Variants in ECM2 observed in about 807,000 individuals in gnomAD.
ECM2 encodes extracellular matrix protein 2, female organ and adipocyte specific.
Under a neutral mutation model 67.5 loss-of-function variants are expected in ECM2, and 57 were observed. That is an observed-to-expected ratio of 0.84 (90% CI 0.68 to 1.05). The LOEUF is 1.05. Ranked by LOEUF, ECM2 falls within the 50% of genes least tolerant of loss-of-function variation. ECM2 has a pLI of 0.00. For synonymous variants in ECM2, 258 were observed against 294.5 expected, an observed-to-expected ratio of 0.88 and a Z score of 1.27; for missense variants, 741 against 822.8, an observed-to-expected ratio of 0.90 and a Z score of 1.22.
chr9:92,535,960 C>CT lies in ECM2; in HGVS notation c.-56dup, dbSNP rs1437929602. On this transcript the variant is annotated 5_prime_UTR_variant, in exon 1 of 10. It removes the in-frame stop codon of an upstream open reading frame in the 5' UTR. Transcript: ENST00000344604. The stretch of plus-strand genomic sequence containing the variant: ...GGAGATCTAAACTAAGTAGGCTTTG[C>CT]TTGGTGTCATTTAAGTCTCCAGCTG... The CT allele has an allele frequency of 2.0e-6, 1 of 508,204 alleles. No individual in the cohort carries two copies. The highest frequency in any genetic ancestry group is 3.9e-6 in the Non-Finnish European group (1 of 257,568). The allele number at this position is 508,204 out of a possible 1,614,324, so 31.5% of individuals were successfully genotyped here.
Position 92,509,906 on chromosome 9 carries a change from A to C in ECM2, c.1299T>G (p.Ser433Arg), listed in dbSNP as rs144093801. 1,710 of 1,604,134 alleles carry C rather than the reference A, an allele frequency of 1.1e-3. 2 individuals are homozygous for C. The highest frequency in any genetic ancestry group is 1.3e-3 in the Non-Finnish European group (1,586 of 1,178,012). ...ENNLQAIDEESLSDLNQLVTL... is the reference protein window; with the variant it reads ...ENNLQAIDEERLSDLNQLVTL... ...AAAACAAATATTAAATACCTGATAA[A>C]CTTTCTTCATCGATAGCCTGAAGAT... The change falls in exon 6 of 10, where the codon AGT becomes AGG. Residue 433 changes from serine to arginine, a missense_variant. By Grantham distance (110) the Ser-to-Arg change is moderately radical. Coordinates refer to ENST00000344604, the MANE Select transcript of ECM2 (RefSeq NM_001393.4).
chr9:92,526,785 CTT>C (rs1333586735), intron 1 of ECM2, among the ~76,000 whole-genome samples: 2 of 151,834 alleles, frequency 1.3e-5, no homozygotes, highest in Admixed American at 6.6e-5. Context: ...AATAAAAAAA[CTT>C]TTTTATAAAT....
At chr9:92,517,445 T>G in intron 3 of ECM2, 2 of 604,074 alleles carry the variant, frequency 3.3e-6, no homozygotes, top group Non-Finnish European at 5.8e-6. Flanking sequence ...AAATGTGGAA[T>G]GTAATCTCAT....
upstream of ECM2, chr9:92,536,759 A>C (rs905532881): frequency 6.6e-6 from 1 of 152,224 alleles, no homozygotes; most frequent in African/African-American, 2.4e-5. Context: ...CTCTTCTGTA[A>C]AACTAGGGTG....
intron 3 of ECM2, chr9:92,516,650 A>G (rs752051095): frequency 5.9e-5 from 9 of 152,244 alleles, no homozygotes; most frequent in Non-Finnish European, 1.0e-4. Flanking sequence ...TATTTTTCCA[A>G]AATAACTACA....
intron 1 of ECM2, among the ~76,000 whole-genome samples, chr9:92,535,655 TA>T (rs141756764): frequency 0.04 from 6,053 of 152,210 alleles, 185 homozygotes; most frequent in South Asian, 0.098. Context: ...TTTTAGGACT[TA>T]AAAATTAATA....
the ECM2 span, among the ~76,000 whole-genome samples, chr9:92,557,873 GA>G: frequency 1.3e-5 from 2 of 152,106 alleles, no homozygotes; most frequent in East Asian, 1.9e-4. Flanking sequence ...TCGATCTCCT[GA>G]CCTTGTGATC....
chr9:92,546,893 G>A, the ECM2 span, among the ~76,000 whole-genome samples: 9 of 152,174 alleles, frequency 5.9e-5, no homozygotes, highest in African/African-American at 2.2e-4. Flanking sequence ...CTTCCCACAA[G>A]AGATACCACA....
At chr9:92,532,771 G>A (rs1016627153) in intron 1 of ECM2, among the ~76,000 whole-genome samples, 1 of 151,820 alleles carries the variant, frequency 6.6e-6, no homozygotes, top group African/African-American at 2.4e-5. Flanking sequence ...TTTAAAGTCT[G>A]TGTCTGAAGA....
chr9:92,511,204 C>A (rs1847316199), intron 5 of ECM2, among the ~76,000 whole-genome samples: 1 of 152,124 alleles, frequency 6.6e-6, no homozygotes, highest in African/African-American at 2.4e-5. Context: ...CGGCTCACTG[C>A]AACCTCCGCC....
chr9:92,541,500 GCAGGTGCCTGC>G (rs1849320511), upstream of ECM2, among the ~76,000 whole-genome samples: 1 of 146,914 alleles, frequency 6.8e-6, no homozygotes, highest in South Asian at 2.2e-4. Flanking sequence ...AGCTGGGATT[GCAGGTGCCTGC>G]CACTGTGCCT....
At chr9:92,537,911 G>C (rs941821523), upstream of ECM2, among the ~76,000 whole-genome samples, 1 of 152,328 alleles carries the variant, frequency 6.6e-6, no homozygotes, top group African/African-American at 2.4e-5. Flanking sequence ...CAAGCTTGAA[G>C]ACCACTGCTA....
chr9:92,538,016 C>G (rs940413987), upstream of ECM2, among the ~76,000 whole-genome samples: 2 of 151,994 alleles, frequency 1.3e-5, no homozygotes, highest in African/African-American at 2.4e-5. Context: ...GTAGGGAAAA[C>G]AGAAACTCTC....
chr9:92,536,288 C>T (rs753325010), upstream of ECM2, among the ~76,000 whole-genome samples: 16 of 152,024 alleles, frequency 1.1e-4, no homozygotes, highest in Non-Finnish European at 1.9e-4. Context: ...ATTAAGAAAT[C>T]TGTGGTTTTC....
chr9:92,533,303 CAAAAAAA>C (rs1174584000), intron 1 of ECM2, among the ~76,000 whole-genome samples: 60 of 29,850 alleles, frequency 2.0e-3, no homozygotes, highest in South Asian at 0.019. Flanking sequence ...CGGTCTCAAA[CAAAAAAA>C]AAAAAAAAAA....
At chr9:92,532,155 C>T (rs1391947593) in intron 1 of ECM2, among the ~76,000 whole-genome samples, 1 of 150,998 alleles carries the variant, frequency 6.6e-6, no homozygotes, top group Non-Finnish European at 1.5e-5. Flanking sequence ...ACTACCACAC[C>T]CGGCTCGAAG....
chr9:92,508,010 G>C (rs1274818085), intron 6 of ECM2, among the ~76,000 whole-genome samples: 1 of 152,156 alleles, frequency 6.6e-6, no homozygotes, highest in Admixed American at 6.5e-5. Context: ...TCCCTGGAGT[G>C]CCCTCCTTCC....
chr9:92,531,345 C>T (rs906729730), intron 1 of ECM2, among the ~76,000 whole-genome samples: 2 of 152,152 alleles, frequency 1.3e-5, no homozygotes, highest in Non-Finnish European at 2.9e-5. Context: ...ACCTTTACCT[C>T]TTCCTGGACA....
chr9:92,500,785 G>A lies in ECM2; in HGVS notation c.1873C>T (p.Pro625Ser), dbSNP rs547551173. 2 of 1,613,988 alleles carry A rather than the reference G, an allele frequency of 1.2e-6. No individual in the cohort carries two copies. The highest frequency in any genetic ancestry group is 1.7e-6 in the Non-Finnish European group (2 of 1,180,016). ...AGTGCTTTCATTTCTTGTATCCCAG[G>A]TGGTATAGATTTTAAGTCATTGTGA... ...LDHNDLKSIP[P>S]GIQEMKALHF... Residue 625 changes from proline to serine, a missense_variant, in exon 9 of 10, where the codon CCT (proline) becomes TCT (serine). By Grantham distance (74) the Pro-to-Ser change is moderately conservative. Coordinates refer to ENST00000344604, the MANE Select transcript of ECM2 (RefSeq NM_001393.4).
Sources: gnomAD v4.1 joint callset for allele counts (sites outside exome capture counted in the v4.1 genomes callset) on GRCh38, gnomAD v4.1.1 for gene constraint, MANE v1.5 for transcripts, NCBI Gene and HGNC (gene_info 2026-07-23, HGNC 2026-07-21) for gene names.